Variants in AGBL4 observed in about 807,000 individuals in gnomAD.
AGBL4 encodes cytosolic carboxypeptidase 6.
In AGBL4, 58 loss-of-function variants were observed where a neutral mutation model predicts 66.4. That is an observed-to-expected ratio of 0.87 (90% CI 0.71 to 1.09). AGBL4 has a LOEUF of 1.09. Among genes scored for constraint, AGBL4 ranks in the 50% least tolerant of loss-of-function variants. The pLI is 0.00. For missense variants in AGBL4, 579 were observed against 631.0 expected (o/e 0.92, Z 0.88); for synonymous variants, 234 against 222.9 (o/e 1.05, Z -0.44).
chr1:49,654,145 C>A (rs1446979575), intron 3 of AGBL4, among the ~76,000 whole-genome samples: 2 of 152,084 alleles, frequency 1.3e-5, no homozygotes, highest in Non-Finnish European at 1.5e-5. Context: ...ACCCTACAAG[C>A]CAGAAGAGAT....
chr1:49,359,471 A>G (rs1260363326), intron 3 of AGBL4, among the ~76,000 whole-genome samples: 1 of 152,224 alleles, frequency 6.6e-6, no homozygotes, highest in Admixed American at 6.5e-5. Flanking sequence ...AAAAACAAAA[A>G]TGCAAAAAGC....
rs773989987 is a variant in AGBL4 at position 49,467,855 on chromosome 1, T to A, written c.283-221991A>T. ...AAATAGTTGAAATATGTTCCTTTCCTTTAAGAGTTCCCATTTGGGTGGACT... is the reference window on the plus strand; with the variant it reads ...AAATAGTTGAAATATGTTCCTTTCCATTAAGAGTTCCCATTTGGGTGGACT... On this transcript the variant is annotated intron_variant, in intron 3 of 13. Transcript: ENST00000371839. Among the ~76,000 whole-genome samples, 5 of 151,870 alleles carry A rather than the reference T, an allele frequency of 3.3e-5. 1 individual carries two copies. Among genetic ancestry groups the A allele is most frequent in the African/African-American group, 7.2e-5 (3 of 41,398 alleles).
chr1:49,181,079 G>A (rs1458248572), intron 4 of AGBL4, among the ~76,000 whole-genome samples: 1 of 152,106 alleles, frequency 6.6e-6, no homozygotes, highest in African/African-American at 2.4e-5. Context: ...CACAGTCATG[G>A]TGGAGGCAGG....
chr1:49,231,523 A>G (rs1650309300), intron 4 of AGBL4, among the ~76,000 whole-genome samples: 1 of 152,226 alleles, frequency 6.6e-6, no homozygotes, highest in Non-Finnish European at 1.5e-5. Flanking sequence ...ACCAAGCAAG[A>G]TCTGTCTCAG....
intron 3 of AGBL4, among the ~76,000 whole-genome samples, chr1:49,514,968 C>A (rs61783603): frequency 4.6e-5 from 7 of 152,074 alleles, no homozygotes; most frequent in Admixed American, 1.3e-4. Flanking sequence ...ATTCAGGACA[C>A]AGGCATGGGC....
intron 4 of AGBL4, among the ~76,000 whole-genome samples, chr1:49,160,349 G>A (rs1364837161): frequency 1.3e-5 from 2 of 152,122 alleles, no homozygotes; most frequent in Non-Finnish European, 2.9e-5. Context: ...GAGTTTGCTG[G>A]AGGTCCACTC....
rs771847718 is a variant in AGBL4, at chr1:49,851,525, A to T, written c.35-7T>A. 175 of 1,542,692 alleles carry T rather than the reference A, an allele frequency of 1.1e-4. No homozygotes were observed. Among genetic ancestry groups the T allele is most frequent in the Admixed American group, 6.1e-5 (3 of 48,952 alleles). Reference sequence around the variant, plus strand: ...TCATTTCCCATATCATTGCCTATTTAAAAAAATTGAAATAAAAGTCAAAGT... The same window carrying T: ...TCATTTCCCATATCATTGCCTATTTTAAAAAATTGAAATAAAAGTCAAAGT... On this transcript the variant is annotated splice_region_variant and splice_polypyrimidine_tract_variant and intron_variant, in intron 1 of 13. Transcript: ENST00000371839.
At chr1:49,786,088 T>C (rs1170770667) in intron 2 of AGBL4, among the ~76,000 whole-genome samples, 1 of 151,886 alleles carries the variant, frequency 6.6e-6, no homozygotes, top group Non-Finnish European at 1.5e-5. Flanking sequence ...AAGGGAAATG[T>C]TTTCTGGATT....
At chr1:48,852,564 G>A (rs1647057316) in intron 6 of AGBL4, among the ~76,000 whole-genome samples, 1 of 152,060 alleles carries the variant, frequency 6.6e-6, no homozygotes, top group Non-Finnish European at 1.5e-5. Context: ...TAGACATTGG[G>A]GCACATAACC....
At chr1:49,378,505 G>C (rs865880115) in intron 3 of AGBL4, among the ~76,000 whole-genome samples, 1 of 152,070 alleles carries the variant, frequency 6.6e-6, no homozygotes, top group South Asian at 2.1e-4. Context: ...ATGAGAGAGA[G>C]AACCCTGGTG....
At chr1:49,541,181 C>A (rs1285051105) in intron 3 of AGBL4, among the ~76,000 whole-genome samples, 1 of 152,230 alleles carries the variant, frequency 6.6e-6, no homozygotes, top group Non-Finnish European at 1.5e-5. Context: ...CGCGTGCTGG[C>A]AGCCCTCACT....
chr1:49,410,158 C>T (rs184656934), intron 3 of AGBL4, among the ~76,000 whole-genome samples: 1 of 152,258 alleles, frequency 6.6e-6, no homozygotes, highest in East Asian at 1.9e-4. Flanking sequence ...GCCACAGGCA[C>T]AGATGCACCT....
intron 3 of AGBL4, among the ~76,000 whole-genome samples, chr1:49,658,676 C>G (rs1383353713): frequency 1.3e-5 from 2 of 152,070 alleles, no homozygotes; most frequent in Non-Finnish European, 2.9e-5. Flanking sequence ...TACTATGCAG[C>G]CATGAAAAAT....
chr1:49,322,967 G>T (rs1394150836), intron 3 of AGBL4, among the ~76,000 whole-genome samples: 1 of 152,106 alleles, frequency 6.6e-6, no homozygotes. Flanking sequence ...TTCTTATATT[G>T]TCCTACATTT....
intron 4 of AGBL4, among the ~76,000 whole-genome samples, chr1:49,059,114 G>C (rs1482139369): frequency 6.6e-6 from 1 of 152,144 alleles, no homozygotes; most frequent in Non-Finnish European, 1.5e-5. Context: ...ATGTCTCCAA[G>C]GCATATCAGA....
At chr1:49,704,017 A>T (rs1647153183) in intron 2 of AGBL4, among the ~76,000 whole-genome samples, 1 of 152,110 alleles carries the variant, frequency 6.6e-6, no homozygotes, top group Admixed American at 6.6e-5. Flanking sequence ...AATAAATCTA[A>T]CCAAAGATAT....
rs72891882 is a variant in AGBL4 at position 48,874,642 on chromosome 1, A to G, written c.595-7412T>C. Among the ~76,000 whole-genome samples the G allele has an allele frequency of 1.6e-3, 239 of 152,274 alleles. 4 individuals carry two copies. The highest frequency in any genetic ancestry group is 5.6e-3 in the African/African-American group (232 of 41,558). ...CATACTTGGAAAACAAACCAAAAATACCTATTATTTTCAGAACCAAGTTTC... is the reference window on the plus strand; with the variant it reads ...CATACTTGGAAAACAAACCAAAAATGCCTATTATTTTCAGAACCAAGTTTC... On this transcript the variant is annotated intron_variant, in intron 5 of 13. Coordinates refer to ENST00000371839, the MANE Select transcript of AGBL4 (RefSeq NM_032785.4).
intron 2 of AGBL4, among the ~76,000 whole-genome samples, chr1:49,799,526 T>C (rs982730299): frequency 2.0e-5 from 3 of 152,104 alleles, no homozygotes; most frequent in Non-Finnish European, 2.9e-5. Flanking sequence ...AGAAGACTTG[T>C]AGAGCTTTTA....
intron 5 of AGBL4, among the ~76,000 whole-genome samples, chr1:48,960,165 G>C (rs1657842913): frequency 6.6e-6 from 1 of 152,060 alleles, no homozygotes; most frequent in South Asian, 2.1e-4. Flanking sequence ...AGTGATGAGA[G>C]TGAATAGGAA....
Sources: gnomAD v4.1 joint callset for allele counts (sites outside exome capture counted in the v4.1 genomes callset) on GRCh38, gnomAD v4.1.1 for gene constraint, MANE v1.5 for transcripts, NCBI Gene and HGNC (gene_info 2026-07-23, HGNC 2026-07-21) for gene names.